The following ZNF599 variants were observed in gnomAD, a reference collection of about 807,000 sequenced individuals.
The protein encoded by ZNF599 is zinc finger protein 599.
ZNF599 carries 10 observed loss-of-function variants against 11.7 expected under a neutral mutation model. The ratio of observed to expected loss-of-function variants is 0.86; its 90% CI spans 0.53 to 1.45. The LOEUF (loss-of-function observed/expected upper bound fraction) is 1.45. ZNF599 is among the 40% of genes most tolerant of loss of function. The pLI is 0.00. For synonymous variants in ZNF599, 232 were observed against 253.2 expected (o/e 0.92, Z 0.79); for missense variants, 688 against 713.6 (o/e 0.96, Z 0.41).
rs1315987440 is a variant in ZNF599, at chr19:34,760,400, T to C, written c.401A>G (p.Asn134Ser). The change falls in exon 4 of 4, where the codon AAC (asparagine) becomes AGC (serine). Residue 134 changes from asparagine to serine, a missense_variant. Coordinates refer to ENST00000329285, the MANE Select transcript of ZNF599 (RefSeq NM_001007248.3). ...GTGGGGGTTTGTTCCTGGCCTCAAG[T>C]TCCCTTCCTGAATTTTTATTAGCTT... is the stretch of plus-strand genomic sequence containing the variant. Reference protein sequence around the residue: ...EEKLIKIQEGNLRPGTNPHKE... With the variant: ...EEKLIKIQEGSLRPGTNPHKE... 1.2e-6 allele frequency: 2 copies of C among 1,614,036 alleles called. No individual in the cohort carries two copies. The highest frequency in any genetic ancestry group is 1.3e-5 in the African/African-American group (1 of 74,920).
upstream of ZNF599, among the ~76,000 whole-genome samples, chr19:34,774,635 T>G (rs543663901): frequency 1.3e-5 from 2 of 152,338 alleles, no homozygotes; most frequent in Admixed American, 1.3e-4. Context: ...CAGAAAGAGA[T>G]AATGGGACTG....
the ZNF599 span, among the ~76,000 whole-genome samples, chr19:34,782,781 T>G: frequency 8.5e-5 from 13 of 152,280 alleles, no homozygotes; most frequent in African/African-American, 2.2e-4. Flanking sequence ...AGCATCACAT[T>G]ATGGTATAGG....
chr19:34,759,483 G>C lies in ZNF599; in HGVS notation c.1318C>G (p.Gln440Glu). ...TCACCAGTGTGAATCCTCATATGTT[G>C]AATTAAGGAAGAGCTGTCACAAAAG... Reference protein sequence around the residue: ...KAFCDSSSLIQHMRIHTGEKP... With the variant: ...KAFCDSSSLIEHMRIHTGEKP... Residue 440 changes from glutamine to glutamate, a missense_variant, in exon 4 of 4, where the codon CAA becomes GAA. By Grantham distance (29) the Gln-to-Glu change is conservative. Coordinates refer to ENST00000329285, the MANE Select transcript of ZNF599 (RefSeq NM_001007248.3). 6.2e-7 allele frequency: 1 copy of C among 1,614,114 alleles called. No individual in the cohort carries two copies. Among genetic ancestry groups the C allele is most frequent in the Non-Finnish European group, 8.5e-7 (1 of 1,180,026 alleles).
At chr19:34,799,852 G>A in the ZNF599 span, among the ~76,000 whole-genome samples, 33 of 152,194 alleles carry the variant, frequency 2.2e-4, no homozygotes, top group African/African-American at 7.5e-4. Flanking sequence ...CTGAACTGGG[G>A]GAGACACAAT....
chr19:34,794,318 T>G, the ZNF599 span, among the ~76,000 whole-genome samples: 1 of 152,184 alleles, frequency 6.6e-6, no homozygotes, highest in East Asian at 1.9e-4. Flanking sequence ...GGGAGTTGCA[T>G]GGCATTTGTA....
At chr19:34,788,569 TA>T in the ZNF599 span, 2 of 152,182 alleles carry the variant, frequency 1.3e-5, no homozygotes, top group Non-Finnish European at 2.9e-5. Context: ...TTAACCTGCA[TA>T]AAATGAAATT....
chr19:34,772,132 T>C (rs1200710771), intron 1 of ZNF599, among the ~76,000 whole-genome samples: 1 of 152,244 alleles, frequency 6.6e-6, no homozygotes, highest in Non-Finnish European at 1.5e-5. Flanking sequence ...CCAAGAGACA[T>C]ACATTCATGT....
At chr19:34,793,793 G>A in the ZNF599 span, among the ~76,000 whole-genome samples, 1 of 152,168 alleles carries the variant, frequency 6.6e-6, no homozygotes, top group Non-Finnish European at 1.5e-5. Context: ...GTGGATTGCT[G>A]GCTAGCTATA....
At chr19:34,767,697 T>C (rs1025458019) in intron 2 of ZNF599, among the ~76,000 whole-genome samples, 4 of 152,186 alleles carry the variant, frequency 2.6e-5, no homozygotes, top group African/African-American at 9.7e-5. Context: ...CCAGGTGATT[T>C]TGGTGCCCAT....
At chr19:34,782,321 A>G in the ZNF599 span, among the ~76,000 whole-genome samples, 6 of 152,248 alleles carry the variant, frequency 3.9e-5, no homozygotes, top group South Asian at 2.1e-4. Flanking sequence ...CAAAAAGCCT[A>G]TGAGGAATGT....
At chr19:34,772,294 T>C (rs1472578556) in intron 1 of ZNF599, 5 of 986,110 alleles carry the variant, frequency 5.1e-6, no homozygotes, top group Non-Finnish European at 6.0e-6. Context: ...AATGAGCTTC[T>C]TGTCTTCTAG....
At chr19:34,777,802 G>C (rs142118083), upstream of ZNF599, among the ~76,000 whole-genome samples, 1 of 151,692 alleles carries the variant, frequency 6.6e-6, no homozygotes, top group Non-Finnish European at 1.5e-5. Context: ...GAGCAAAATG[G>C]TGGGCACCAG....
intron 2 of ZNF599, among the ~76,000 whole-genome samples, chr19:34,767,951 T>C (rs1257542033): frequency 6.6e-6 from 1 of 152,156 alleles, no homozygotes; most frequent in Non-Finnish European, 1.5e-5. Context: ...GAAATTATTT[T>C]CAGGGTGAAA....
chr19:34,761,333 A>G (rs1234896441), intron 3 of ZNF599, among the ~76,000 whole-genome samples: 1 of 152,244 alleles, frequency 6.6e-6, no homozygotes, highest in Admixed American at 6.5e-5. Flanking sequence ...CTAAAGATCT[A>G]TATGAAAAGA....
At chr19:34,788,183 A>G in the ZNF599 span, among the ~76,000 whole-genome samples, 133,350 of 152,098 alleles carry the variant, frequency 0.88, 59,130 homozygotes, top group Middle Eastern at 0.98. Context: ...CTGTGGATGC[A>G]GTATCTGTGC....
chr19:34,773,043 A>G lies in ZNF599; in HGVS notation c.-202T>C. ...CAAGGCCCCAGGAAGGGTTTTGCAGACGCTTGTGGGGGTGGGATCGCGGCT... is the reference window on the plus strand; with the variant it reads ...CAAGGCCCCAGGAAGGGTTTTGCAGGCGCTTGTGGGGGTGGGATCGCGGCT... On this transcript the variant is annotated 5_prime_UTR_variant, in exon 1 of 4. Transcript: ENST00000329285. 1 of 582,214 alleles carries G rather than the reference A, an allele frequency of 1.7e-6. No individual in the cohort carries two copies. Among genetic ancestry groups the G allele is most frequent in the Non-Finnish European group, 2.9e-6 (1 of 348,822 alleles). 36.1% of individuals were successfully genotyped at this position (582,214 alleles called of 1,614,324 possible).
the ZNF599 span, among the ~76,000 whole-genome samples, chr19:34,802,314 C>T: frequency 1.3e-5 from 2 of 152,186 alleles, no homozygotes; most frequent in South Asian, 4.1e-4. Context: ...GCAAAGGACA[C>T]AAGGATGAGG....
intron 1 of ZNF599, among the ~76,000 whole-genome samples, chr19:34,771,339 G>A (rs2069182936): frequency 6.6e-6 from 1 of 152,194 alleles, no homozygotes; most frequent in South Asian, 2.1e-4. Flanking sequence ...ACCTTGGGTA[G>A]TTAATCTGAG....
chr19:34,796,315 A>ATT, the ZNF599 span, among the ~76,000 whole-genome samples: 427 of 141,702 alleles, frequency 3.0e-3, 1 homozygote, highest in African/African-American at 9.7e-3. Flanking sequence ...GAGCCCTTCA[A>ATT]TTTTTTTTTT....
Sources: allele counts gnomAD v4.1 joint callset (sites outside exome capture counted in the v4.1 genomes callset), GRCh38; gene constraint gnomAD v4.1.1; transcripts MANE v1.5; gene names NCBI Gene and HGNC (gene_info 2026-07-23, HGNC 2026-07-21).